The following BAALC variants were observed in gnomAD, a reference collection of about 807,000 sequenced individuals.
The protein encoded by BAALC is BAALC binder of MAP3K1 and KLF4, also known as brain and acute leukemia cytoplasmic protein.
A neutral mutation model predicts 15.5 loss-of-function variants in BAALC; 9 were observed. The observed-to-expected ratio is 0.58, with a 90% CI of 0.35 to 1.02. The LOEUF is 1.02. Ranked by LOEUF, BAALC falls within the 50% of genes least tolerant of loss-of-function variation. The pLI is 0.02. For synonymous variants in BAALC, 80 were observed against 74.6 expected (o/e 1.07, Z -0.37); for missense variants, 201 against 192.4 (o/e 1.04, Z -0.27).
At chr8:103,150,856 G>T (rs911648225) in intron 1 of BAALC, among the ~76,000 whole-genome samples, 3 of 151,958 alleles carry the variant, frequency 2.0e-5, no homozygotes, top group African/African-American at 7.3e-5. Flanking sequence ...GCCAGATCCG[G>T]TCTCTGTTTA....
At chr8:103,220,281 C>T (rs1233172914) in intron 2 of BAALC, among the ~76,000 whole-genome samples, 4 of 152,138 alleles carry the variant, frequency 2.6e-5, no homozygotes, top group Non-Finnish European at 5.9e-5. Flanking sequence ...GTTTCAGCTG[C>T]CTCATTGGGA....
intron 1 of BAALC, among the ~76,000 whole-genome samples, chr8:103,164,334 G>A (rs1811295521): frequency 6.6e-6 from 1 of 152,178 alleles, no homozygotes; most frequent in East Asian, 1.9e-4. Context: ...GACCTTGTGA[G>A]TGATGAGCAG....
At chr8:103,156,173 A>G (rs1811086047) in intron 1 of BAALC, among the ~76,000 whole-genome samples, 1 of 152,252 alleles carries the variant, frequency 6.6e-6, no homozygotes, top group South Asian at 2.1e-4. Context: ...AAAAAAGCAT[A>G]GGATTTGCAG....
intron 1 of BAALC, among the ~76,000 whole-genome samples, chr8:103,200,179 T>C (rs147375378): frequency 1.8e-4 from 28 of 152,294 alleles, no homozygotes; most frequent in African/African-American, 6.0e-4. Flanking sequence ...AGAATGGTTA[T>C]TATTAAAGGG....
chr8:103,210,803 T>C (rs1286191491), intron 1 of BAALC, among the ~76,000 whole-genome samples: 1 of 152,228 alleles, frequency 6.6e-6, no homozygotes, highest in Non-Finnish European at 1.5e-5. Context: ...AAAGAAAATA[T>C]TCAGTATTTG....
intron 1 of BAALC, among the ~76,000 whole-genome samples, chr8:103,153,757 A>G (rs1811029668): frequency 6.6e-6 from 1 of 152,194 alleles, no homozygotes; most frequent in Non-Finnish European, 1.5e-5. Flanking sequence ...GCCAACTGGC[A>G]AATTTAAAGA....
chr8:103,204,536 T>C (rs1008094406), intron 1 of BAALC, among the ~76,000 whole-genome samples: 1 of 152,218 alleles, frequency 6.6e-6, no homozygotes, highest in Non-Finnish European at 1.5e-5. Context: ...TTCCTTTCAG[T>C]GTTTTATGAT....
At chr8:103,158,513 C>G (rs1383601784) in intron 1 of BAALC, among the ~76,000 whole-genome samples, 1 of 152,094 alleles carries the variant, frequency 6.6e-6, no homozygotes, top group Non-Finnish European at 1.5e-5. Context: ...GAATTGCCAG[C>G]ATCACTACTC....
At chr8:103,194,636 G>A (rs1299067973) in intron 1 of BAALC, among the ~76,000 whole-genome samples, 4 of 152,156 alleles carry the variant, frequency 2.6e-5, no homozygotes, top group African/African-American at 9.7e-5. Flanking sequence ...ATATCTGAGG[G>A]TGGGTCATTT....
chr8:103,212,641 A>G (rs1214153244), intron 1 of BAALC, among the ~76,000 whole-genome samples: 1 of 152,238 alleles, frequency 6.6e-6, no homozygotes, highest in Non-Finnish European at 1.5e-5. Context: ...AAATGATGAC[A>G]TAGACATGTG....
chr8:103,143,446 G>A (rs1260210100), intron 1 of BAALC, among the ~76,000 whole-genome samples: 1 of 152,152 alleles, frequency 6.6e-6, no homozygotes, highest in Admixed American at 6.5e-5. Flanking sequence ...GTGGGTAGGA[G>A]TAAATGAAAG....
chr8:103,220,144 C>T (rs920577822), intron 2 of BAALC, among the ~76,000 whole-genome samples: 5 of 152,136 alleles, frequency 3.3e-5, no homozygotes, highest in East Asian at 3.8e-4. Context: ...AACTTAATGG[C>T]GGAGAATTTA....
chr8:103,221,731 A>G (rs1287704938), intron 2 of BAALC, among the ~76,000 whole-genome samples: 2 of 152,180 alleles, frequency 1.3e-5, no homozygotes, highest in Non-Finnish European at 2.9e-5. Flanking sequence ...TCTTTTTCTC[A>G]TCTTCTTTCT....
At chr8:103,164,661 T>C (rs2129918127) in intron 1 of BAALC, among the ~76,000 whole-genome samples, 1 of 152,324 alleles carries the variant, frequency 6.6e-6, no homozygotes, top group South Asian at 2.1e-4. Context: ...TCCTTCCTTC[T>C]CTATGTATTT....
intron 1 of BAALC, among the ~76,000 whole-genome samples, chr8:103,184,518 C>T (rs747171666): frequency 2.6e-5 from 4 of 152,308 alleles, no homozygotes; most frequent in African/African-American, 7.2e-5. Flanking sequence ...ACAAGTGAGA[C>T]AATGCTGGCT....
At chr8:103,172,777 A>G (rs551299648) in intron 1 of BAALC, among the ~76,000 whole-genome samples, 2 of 152,150 alleles carry the variant, frequency 1.3e-5, no homozygotes, top group African/African-American at 2.4e-5. Flanking sequence ...AATATTGCCA[A>G]CTTCACAGAT....
At chr8:103,152,480 T>C (rs1195952528) in intron 1 of BAALC, among the ~76,000 whole-genome samples, 1 of 152,204 alleles carries the variant, frequency 6.6e-6, no homozygotes, top group Non-Finnish European at 1.5e-5. Context: ...ATCTGGTCAT[T>C]TCCTTCCTAA....
At chr8:103,203,304 A>G (rs1466829474) in intron 1 of BAALC, among the ~76,000 whole-genome samples, 2 of 152,214 alleles carry the variant, frequency 1.3e-5, no homozygotes, top group African/African-American at 4.8e-5. Flanking sequence ...TGTCTAGTAT[A>G]TGAGTCCACT....
intron 2 of BAALC, among the ~76,000 whole-genome samples, chr8:103,219,129 T>A (rs995589567): frequency 7.2e-5 from 11 of 152,182 alleles, no homozygotes; most frequent in African/African-American, 2.7e-4. Flanking sequence ...AATTTAGCAA[T>A]ACAGAGATGT....
Sources: gnomAD v4.1 joint callset for allele counts (sites outside exome capture counted in the v4.1 genomes callset) on GRCh38, gnomAD v4.1.1 for gene constraint, MANE v1.5 for transcripts, NCBI Gene and HGNC (gene_info 2026-07-23, HGNC 2026-07-21) for gene names.